The following TDRP variants were observed in gnomAD, a reference collection of about 807,000 sequenced individuals.
The protein encoded by TDRP is testis development related protein, also known as testis development-related protein.
Under a neutral mutation model 10.5 loss-of-function variants are expected in TDRP, and 12 were observed. The observed-to-expected ratio is 1.15, with a 90% CI of 0.73 to 1.86. TDRP has a LOEUF of 1.86. Ranked by LOEUF, TDRP falls within the 40% of genes most tolerant of loss-of-function variation. TDRP has a pLI of 0.00. For synonymous variants in TDRP, 139 were observed against 95.4 expected (o/e 1.46, Z -2.67); for missense variants, 353 against 229.2 (o/e 1.54, Z -3.49).
At chr8:528,810 T>A (rs1802105371) in intron 1 of TDRP, among the ~76,000 whole-genome samples, 1 of 152,018 alleles carries the variant, frequency 6.6e-6, no homozygotes, top group African/African-American at 2.4e-5. Flanking sequence ...TATAACTATG[T>A]GTGTGTGTAT....
chr8:506,668 CA>C (rs1205887022), intron 1 of TDRP, among the ~76,000 whole-genome samples: 1 of 152,208 alleles, frequency 6.6e-6, no homozygotes, highest in East Asian at 1.9e-4. Context: ...GTTCCCAGAG[CA>C]GGACTGTCAC....
chr8:512,909 T>C (rs941505953), intron 1 of TDRP, among the ~76,000 whole-genome samples: 1 of 150,820 alleles, frequency 6.6e-6, no homozygotes, highest in Non-Finnish European at 1.5e-5. Context: ...GAAGTGGAGG[T>C]TGCAGTGAGC....
chr8:491,808 G>A lies in TDRP; in HGVS notation c.*591C>T, dbSNP rs1585130073. On this transcript the variant is annotated 3_prime_UTR_variant, in exon 3 of 3. Transcript: ENST00000324079. Reference sequence around the variant, plus strand: ...CATACAAGAAGCTATTCCTCCCTCAGCAAAAGATGAACATGCATTTTAAGA... The same window carrying A: ...CATACAAGAAGCTATTCCTCCCTCAACAAAAGATGAACATGCATTTTAAGA... The A allele has an allele frequency of 3.2e-6, 4 of 1,250,028 alleles. No homozygotes were observed. In the East Asian group the frequency reaches 9.4e-5, roughly 29 times the overall value. The allele number at this position is 1,250,028 out of a possible 1,614,324, so 77.4% of individuals were successfully genotyped here.
intron 1 of TDRP, among the ~76,000 whole-genome samples, chr8:502,897 C>T (rs1307557765): frequency 1.2e-4 from 19 of 152,064 alleles, no homozygotes; most frequent in African/African-American, 4.6e-4. Flanking sequence ...CAGAGCCACA[C>T]ATCAGAACCT....
chr8:531,053 C>T (rs948043118), intron 1 of TDRP, among the ~76,000 whole-genome samples: 3 of 152,178 alleles, frequency 2.0e-5, no homozygotes, highest in African/African-American at 4.8e-5. Flanking sequence ...CAGGTGACCC[C>T]CCAAAATTCA....
At chr8:544,884 C>T, upstream of TDRP, 2 of 603,126 alleles carry the variant, frequency 3.3e-6, no homozygotes, top group Non-Finnish European at 4.7e-6. Context: ...CGGGGCTAGG[C>T]GGGGGCGGGG....
chr8:520,694 G>C (rs1269850456), intron 1 of TDRP, among the ~76,000 whole-genome samples: 2 of 152,118 alleles, frequency 1.3e-5, no homozygotes, highest in African/African-American at 4.8e-5. Context: ...CTGATGATTA[G>C]CAACGTTGAA....
At chr8:498,816 C>T (rs550536643) in intron 1 of TDRP, among the ~76,000 whole-genome samples, 2 of 152,200 alleles carry the variant, frequency 1.3e-5, no homozygotes, top group South Asian at 2.1e-4. Flanking sequence ...GCGGATTTCC[C>T]CCTTGCTGTT....
upstream of TDRP, chr8:545,687 C>G (rs1192698411): frequency 6.6e-6 from 1 of 151,854 alleles, no homozygotes; most frequent in Non-Finnish European, 1.5e-5. Context: ...CGCCCGAGGT[C>G]GCGGGATAGT....
At chr8:527,883 G>C (rs1239296079) in intron 1 of TDRP, among the ~76,000 whole-genome samples, 1 of 152,058 alleles carries the variant, frequency 6.6e-6, no homozygotes, top group East Asian at 1.9e-4. Flanking sequence ...CACAAGCACA[G>C]GTAACCAAAG....
chr8:499,728 C>T (rs1449471793), intron 1 of TDRP, among the ~76,000 whole-genome samples: 1 of 152,248 alleles, frequency 6.6e-6, no homozygotes, highest in Admixed American at 6.5e-5. Context: ...CCTGAAGTCT[C>T]CCACATTTCC....
chr8:545,752 G>T (rs1316009983), upstream of TDRP: 1 of 151,894 alleles, frequency 6.6e-6, no homozygotes, highest in East Asian at 1.9e-4. Flanking sequence ...GGCCGCTGGG[G>T]CCTGGGGCGC....
intron 1 of TDRP, among the ~76,000 whole-genome samples, chr8:539,152 A>C (rs913386847): frequency 2.0e-5 from 3 of 152,340 alleles, no homozygotes; most frequent in Admixed American, 6.5e-5. Flanking sequence ...TTGTGTCCCC[A>C]GAACTCACAT....
In TDRP at chr8:492,582, G is replaced by A. The variant is rs768183983; in HGVS notation, c.375C>T (p.Asp125=). The change falls in exon 3 of 3, where the codon GAC becomes GAT. Residue 125 remains aspartate, a synonymous_variant. Transcript: ENST00000324079. The part of the protein sequence containing the change: ...ALEDISADPE[D]TVGGHPSWSG... Reference sequence around the variant, plus strand: ...ACCAGGATGGGTGGCCACCCACGGTGTCCTCAGGGTCAGCCGATATGTCTT... The same window carrying A: ...ACCAGGATGGGTGGCCACCCACGGTATCCTCAGGGTCAGCCGATATGTCTT... 3 of 1,613,802 alleles carry A rather than the reference G, an allele frequency of 1.9e-6. No individual in the cohort carries two copies. The highest frequency in any genetic ancestry group is 1.1e-5 in the South Asian group (1 of 91,070).
chr8:503,412 G>A (rs552147038), intron 1 of TDRP, among the ~76,000 whole-genome samples: 28 of 138,202 alleles, frequency 2.0e-4, no homozygotes, highest in Admixed American at 3.6e-4. Flanking sequence ...GCGTCAACAC[G>A]GAATCCACAG....
At chr8:508,099 G>A (rs796663540) in intron 1 of TDRP, among the ~76,000 whole-genome samples, 1 of 152,058 alleles carries the variant, frequency 6.6e-6, no homozygotes, top group African/African-American at 2.4e-5. Flanking sequence ...CTAAAGGAAA[G>A]TATGATAAAG....
intron 1 of TDRP, among the ~76,000 whole-genome samples, chr8:509,751 T>C (rs527471279): frequency 6.6e-6 from 1 of 152,340 alleles, no homozygotes; most frequent in African/African-American, 2.4e-5. Context: ...AACGCAAATT[T>C]CTGCAGCTGG....
At chr8:536,007 G>C (rs1215027833) in intron 1 of TDRP, among the ~76,000 whole-genome samples, 7 of 152,186 alleles carry the variant, frequency 4.6e-5, no homozygotes. Flanking sequence ...GACATTCTAA[G>C]TCATGCCACC....
intron 1 of TDRP, among the ~76,000 whole-genome samples, chr8:513,981 T>C (rs755390460): frequency 6.6e-6 from 1 of 152,196 alleles, no homozygotes; most frequent in African/African-American, 2.4e-5. Context: ...TCCACTGTCA[T>C]GAATCAGAAG....
Sources: gnomAD v4.1 joint callset for allele counts (sites outside exome capture counted in the v4.1 genomes callset) on GRCh38, gnomAD v4.1.1 for gene constraint, MANE v1.5 for transcripts, NCBI Gene and HGNC (gene_info 2026-07-23, HGNC 2026-07-21) for gene names.